Variants in NTN1 observed in about 807,000 individuals in gnomAD.
NTN1 encodes the protein netrin-1.
NTN1 carries 11 observed loss-of-function variants against 54.2 expected under a neutral mutation model. The ratio of observed to expected loss-of-function variants is 0.20; its 90% CI spans 0.13 to 0.34. The LOEUF is 0.34. Among genes scored for constraint, NTN1 ranks in the 10% least tolerant of loss-of-function variants. The pLI is 1.00. For synonymous variants in NTN1, 371 were observed against 382.0 expected (o/e 0.97, Z 0.33); for missense variants, 740 against 893.1 (o/e 0.83, Z 2.18).
chr17:9,161,143 A>G (rs539204640), intron 2 of NTN1, among the ~76,000 whole-genome samples: 88 of 152,334 alleles, frequency 5.8e-4, no homozygotes, highest in African/African-American at 2.0e-3. Flanking sequence ...CTGATGTGGC[A>G]CAAGGAAAGC....
In NTN1 at chr17:9,221,131, T is replaced by A. The variant is rs1157821502; in HGVS notation, c.1412-37T>A. 1 of 1,409,410 alleles carries A rather than the reference T, an allele frequency of 7.1e-7. No homozygotes were observed. The highest frequency in any genetic ancestry group is 1.0e-6 in the Non-Finnish European group (1 of 996,732). The allele number at this position is 1,409,410 out of a possible 1,614,324, so 87.3% of individuals were successfully genotyped here. A position where few individuals can be genotyped will look rare whatever the true frequency, so the allele number is the denominator to read the frequency against. On this transcript the variant is annotated intron_variant, in intron 5 of 6. Transcript: ENST00000173229. This position sits in a 1 kb window ranked among gnomAD's most constrained non-coding sequence, Gnocchi z 4.5. Reference sequence around the variant, plus strand: ...CCAGCCTATTCATCGCCAGCCTAATTAGTTTTTGTCTGTGCTCCCCCCCCA... The same window carrying A: ...CCAGCCTATTCATCGCCAGCCTAATAAGTTTTTGTCTGTGCTCCCCCCCCA...
intron 2 of NTN1, among the ~76,000 whole-genome samples, chr17:9,154,613 A>G (rs1245589308): frequency 6.6e-6 from 1 of 152,076 alleles, no homozygotes; most frequent in Admixed American, 6.6e-5. Flanking sequence ...GAGTTGCTCC[A>G]CCCAGCCATT....
At chr17:9,216,661 C>T (rs1461139084) in intron 5 of NTN1, among the ~76,000 whole-genome samples, 4 of 152,236 alleles carry the variant, frequency 2.6e-5, no homozygotes, top group Non-Finnish European at 5.9e-5. Flanking sequence ...CCAGCCTTTC[C>T]CTGGATTTCC....
chr17:9,114,168 T>A (rs573973624), intron 2 of NTN1, among the ~76,000 whole-genome samples: 1,692 of 104,886 alleles, frequency 0.016, 40 homozygotes, highest in African/African-American at 0.047. Flanking sequence ...AAAAAAAAAA[T>A]ATATATATAT....
intron 2 of NTN1, among the ~76,000 whole-genome samples, chr17:9,044,870 G>C (rs552927601): frequency 6.6e-6 from 1 of 152,286 alleles, no homozygotes; most frequent in African/African-American, 2.4e-5. Context: ...CAGAGTAAAA[G>C]CGGGGGGTCA....
At chr17:9,036,524 G>A (rs1028891858) in intron 2 of NTN1, among the ~76,000 whole-genome samples, 4 of 151,184 alleles carry the variant, frequency 2.6e-5, no homozygotes, top group Admixed American at 2.0e-4. Context: ...GCCTCTCAGA[G>A]TGCTTAGATT....
At chr17:9,093,469 C>T (rs1211793709) in intron 2 of NTN1, among the ~76,000 whole-genome samples, 1 of 152,160 alleles carries the variant, frequency 6.6e-6, no homozygotes, top group Non-Finnish European at 1.5e-5. Context: ...CTCAAGTGAT[C>T]CATCCACCTC....
intron 5 of NTN1, among the ~76,000 whole-genome samples, chr17:9,210,853 C>G (rs1435065121): frequency 2.5e-5 from 3 of 122,390 alleles, no homozygotes; most frequent in Non-Finnish European, 4.7e-5. Flanking sequence ...TTGCAGTGAG[C>G]CAAGATCACA....
At chr17:9,004,030 C>T in the NTN1 span, among the ~76,000 whole-genome samples, 1 of 152,110 alleles carries the variant, frequency 6.6e-6, no homozygotes, top group African/African-American at 2.4e-5. Flanking sequence ...AGGCGGGGGC[C>T]GAGGGAAACG....
chr17:9,217,087 C>A (rs2142351842), intron 5 of NTN1, among the ~76,000 whole-genome samples: 1 of 152,108 alleles, frequency 6.6e-6, no homozygotes, highest in African/African-American at 2.4e-5. Context: ...CTTTGCTGTA[C>A]TGCTGTCCTT....
intron 5 of NTN1, among the ~76,000 whole-genome samples, chr17:9,217,854 C>CAAAAAAAAAAAAAAAAAAAAAAAA (rs11354107): frequency 2.1e-5 from 2 of 95,754 alleles, no homozygotes; most frequent in Admixed American, 1.2e-4. Context: ...GGAAAGACAC[C>CAAAAAAAAAAAAAAAAAAAAAAAA]AAAAAAAAAA....
Position 9,221,605 on chromosome 17 carries a change from A to C in NTN1, c.1486+363A>C, listed in dbSNP as rs1905357307. 2.0e-5 allele frequency among the ~76,000 whole-genome samples: 3 copies of C among 152,198 alleles called. No individual in the cohort carries two copies. Among genetic ancestry groups the C allele is most frequent in the Non-Finnish European group, 2.9e-5 (2 of 68,022 alleles). On this transcript the variant is annotated intron_variant, in intron 6 of 6. Transcript: ENST00000173229. The surrounding 1 kb of genome is among the most constrained non-coding windows in gnomAD (Gnocchi z 4.5). ...TACTGCGGGGATTTGACCCGAGTCC[A>C]CGTGGCTCAAAGGGAAGCTCTCTGG...
intron 5 of NTN1, among the ~76,000 whole-genome samples, chr17:9,203,750 C>T (rs1303662775): frequency 6.6e-6 from 1 of 151,990 alleles, no homozygotes; most frequent in Non-Finnish European, 1.5e-5. Flanking sequence ...TTGCAGTGAG[C>T]TGAGATCATG....
rs138422894 is a variant in NTN1, at chr17:9,239,478, G to A, written c.1487-162G>A. Among the ~76,000 whole-genome samples the A allele has an allele frequency of 5.1e-3, 780 of 152,288 alleles. 6 individuals carry two copies. Among genetic ancestry groups the A allele is most frequent in the South Asian group, 0.021 (100 of 4,828 alleles). On this transcript the variant is annotated intron_variant, in intron 6 of 6. Transcript: ENST00000173229. The surrounding 1 kb of genome is among the most constrained non-coding windows in gnomAD (Gnocchi z 5.2). Reference sequence around the variant, plus strand: ...TCTTGGCCCTGTTGTTAGCAGGTGGGGGTCTACGATCAGCTTGCCACCACC... The same window carrying A: ...TCTTGGCCCTGTTGTTAGCAGGTGGAGGTCTACGATCAGCTTGCCACCACC...
In NTN1 at chr17:9,226,410, CCGTGGGGAGGCGGTCT is replaced by C. The variant is rs1246812576; in HGVS notation, c.1486+5196_1486+5211del. Among the ~76,000 whole-genome samples the C allele has an allele frequency of 1.4e-3, 206 of 146,854 alleles. 4 individuals carry two copies. In the East Asian group the frequency reaches 0.017, roughly 12 times the overall value. ...AGGCACCGTGTCTAAGGGGTGGGGG[CCGTGGGGAGGCGGTCT>C]CGTGGGGAGGCGGTCTCGTGGGGAG... On this transcript the variant is annotated intron_variant, in intron 6 of 6. Coordinates refer to ENST00000173229, the MANE Select transcript of NTN1 (RefSeq NM_004822.3).
chr17:9,116,459 C>T (rs1286061892), intron 2 of NTN1, among the ~76,000 whole-genome samples: 2 of 152,182 alleles, frequency 1.3e-5, no homozygotes, highest in East Asian at 1.9e-4. Flanking sequence ...GGGGCAGCTG[C>T]GATGGTGGAG....
chr17:9,181,503 G>A (rs3826475), intron 4 of NTN1, among the ~76,000 whole-genome samples: 54,552 of 152,066 alleles, frequency 0.36, 10,201 homozygotes, highest in Middle Eastern at 0.49. Context: ...TTTAGGGCCA[G>A]CTTCCTAATA....
At position 9,022,953 on chromosome 17, in the gene NTN1, A is replaced by G; in HGVS notation, c.580A>G (p.Thr194Ala). Reference sequence around the variant, plus strand: ...CAACCGGCCGCACCGCGCGCCCATCACCAAGCAGAACGAGCAGGAGGCCGT... The same window carrying G: ...CAACCGGCCGCACCGCGCGCCCATCGCCAAGCAGAACGAGCAGGAGGCCGT... ...MYNRPHRAPI[T>A]KQNEQEAVCT... The change falls in exon 2 of 7, where the codon ACC (threonine) becomes GCC (alanine). Residue 194 changes from threonine (T) to alanine (A), a missense_variant. Physicochemically the swap from Thr to Ala is moderately conservative, Grantham distance 58. Transcript: ENST00000173229. 1 of 1,611,296 alleles carries G rather than the reference A, an allele frequency of 6.2e-7. No individual in the cohort carries two copies. Among genetic ancestry groups the G allele is most frequent in the Non-Finnish European group, 8.5e-7 (1 of 1,179,582 alleles).
intron 2 of NTN1, among the ~76,000 whole-genome samples, chr17:9,079,418 TCTC>T (rs1035060286): frequency 1.3e-5 from 2 of 152,226 alleles, no homozygotes; most frequent in African/African-American, 4.8e-5. Context: ...GAGCTTATCT[TCTC>T]CTCCCCATCT....
Sources: allele counts gnomAD v4.1 joint callset (sites outside exome capture counted in the v4.1 genomes callset), GRCh38; gene constraint gnomAD v4.1.1; non-coding constraint Gnocchi (gnomAD v3.1); transcripts MANE v1.5; gene names NCBI Gene and HGNC (gene_info 2026-07-23, HGNC 2026-07-21).